Variants in SH3GL2 observed in about 807,000 individuals in gnomAD.
The protein encoded by SH3GL2 is SH3 domain containing GRB2 like 2, endophilin A1, also known as endophilin-A1.
Under a neutral mutation model 46.0 loss-of-function variants are expected in SH3GL2, and 24 were observed. That is an observed-to-expected ratio of 0.52 (90% CI 0.38 to 0.73). The LOEUF (loss-of-function observed/expected upper bound fraction) is 0.73. Among genes scored for constraint, SH3GL2 ranks in the 30% least tolerant of loss-of-function variants. The pLI, the probability that SH3GL2 is intolerant of heterozygous loss-of-function variation, is 0.00. For synonymous variants in SH3GL2, 196 were observed against 147.1 expected, an observed-to-expected ratio of 1.33 and a Z score of -2.40; for missense variants, 413 against 424.2, an observed-to-expected ratio of 0.97 and a Z score of 0.23.
intron 1 of SH3GL2, among the ~76,000 whole-genome samples, chr9:17,614,295 GAAAAAAAAAAAAAAA>G (rs3084628): frequency 4.3e-5 from 3 of 70,302 alleles, no homozygotes; most frequent in Non-Finnish European, 7.5e-5. Context: ...CATGGTTTCT[GAAAAAAAAAAAAAAA>G]AAAAAAAAAA....
At chr9:17,729,196 T>A (rs1822103952) in intron 1 of SH3GL2, among the ~76,000 whole-genome samples, 1 of 152,218 alleles carries the variant, frequency 6.6e-6, no homozygotes, top group Non-Finnish European at 1.5e-5. Context: ...GTGGTTTTGA[T>A]TTGCATTTCT....
chr9:17,743,761 T>G (rs1348484993), intron 1 of SH3GL2, among the ~76,000 whole-genome samples: 2 of 152,158 alleles, frequency 1.3e-5, no homozygotes, highest in Non-Finnish European at 2.9e-5. Flanking sequence ...AGAGGGGAAA[T>G]TAAAATCACT....
chr9:17,754,055 A>G (rs1822921686), intron 2 of SH3GL2, among the ~76,000 whole-genome samples: 1 of 152,152 alleles, frequency 6.6e-6, no homozygotes, highest in Non-Finnish European at 1.5e-5. Flanking sequence ...TTTTTGTACC[A>G]GTACCATGCT....
At chr9:17,582,891 C>T (rs374457067) in intron 1 of SH3GL2, among the ~76,000 whole-genome samples, 5 of 152,182 alleles carry the variant, frequency 3.3e-5, no homozygotes, top group African/African-American at 7.2e-5. Context: ...CCTTCATGCT[C>T]ACATGACATT....
At chr9:17,755,750 T>C (rs1459849878) in intron 2 of SH3GL2, 4 of 983,824 alleles carry the variant, frequency 4.1e-6, no homozygotes, top group African/African-American at 1.7e-5. Context: ...TCAGTCCTTT[T>C]GTTGCTCCAC....
intron 1 of SH3GL2, among the ~76,000 whole-genome samples, chr9:17,595,938 T>C (rs150796543): frequency 7.9e-5 from 12 of 152,308 alleles, no homozygotes; most frequent in East Asian, 7.7e-4. Context: ...TCAGTGGGTT[T>C]ATGGGTGAGT....
chr9:17,756,795 T>G (rs1049556913), intron 2 of SH3GL2, among the ~76,000 whole-genome samples: 1 of 152,098 alleles, frequency 6.6e-6, no homozygotes, highest in Non-Finnish European at 1.5e-5. Context: ...TACGTGTGCA[T>G]GTGTCTTTAT....
intron 2 of SH3GL2, among the ~76,000 whole-genome samples, chr9:17,749,916 C>T (rs998375924): frequency 1.3e-5 from 2 of 152,086 alleles, no homozygotes; most frequent in Non-Finnish European, 2.9e-5. Flanking sequence ...ATAGATACTC[C>T]TGCAGCAAAG....
Position 17,717,074 on chromosome 9 carries a change from C to T in SH3GL2, c.46-29992C>T, listed in dbSNP as rs118039681. On this transcript the variant is annotated intron_variant, in intron 1 of 8. Transcript: ENST00000380607. ...TGGTAGCTATCTATATCTTTAAAGGCGTTCATTATGGTCCAGTGGGAACAG... is the reference window on the plus strand; with the variant it reads ...TGGTAGCTATCTATATCTTTAAAGGTGTTCATTATGGTCCAGTGGGAACAG... Among the ~76,000 whole-genome samples, 265 of 152,132 alleles carry T rather than the reference C, an allele frequency of 1.7e-3. 1 individual carries two copies. Among genetic ancestry groups the T allele is most frequent in the Non-Finnish European group, 2.8e-3 (190 of 67,976 alleles).
chr9:17,687,514 A>G (rs73645135), intron 1 of SH3GL2, among the ~76,000 whole-genome samples: 9 of 130,524 alleles, frequency 6.9e-5, no homozygotes, highest in South Asian at 2.2e-4. Context: ...AAAAATTTCA[A>G]TTGTAAATAC....
intron 3 of SH3GL2, among the ~76,000 whole-genome samples, chr9:17,777,437 G>T (rs1299568112): frequency 1.3e-5 from 2 of 152,092 alleles, no homozygotes; most frequent in Non-Finnish European, 2.9e-5. Flanking sequence ...AAAGTATATG[G>T]GTTGAGTGAT....
intron 1 of SH3GL2, among the ~76,000 whole-genome samples, chr9:17,638,594 A>G (rs879437233): frequency 9.2e-5 from 14 of 152,246 alleles, no homozygotes; most frequent in Non-Finnish European, 2.1e-4. Flanking sequence ...TGAGGCTTAA[A>G]GAATGAGACA....
intron 1 of SH3GL2, among the ~76,000 whole-genome samples, chr9:17,711,592 C>T (rs1342780009): frequency 6.6e-6 from 1 of 151,734 alleles, no homozygotes; most frequent in East Asian, 1.9e-4. Flanking sequence ...TGTCTGACTT[C>T]TTTCAATCGG....
At chr9:17,741,041 G>A (rs981539113) in intron 1 of SH3GL2, among the ~76,000 whole-genome samples, 1 of 152,022 alleles carries the variant, frequency 6.6e-6, no homozygotes, top group Non-Finnish European at 1.5e-5. Flanking sequence ...ATTGTCAACG[G>A]TATTCTTTGT....
intron 1 of SH3GL2, among the ~76,000 whole-genome samples, chr9:17,668,318 C>G (rs1820393163): frequency 6.6e-6 from 1 of 152,158 alleles, no homozygotes; most frequent in African/African-American, 2.4e-5. Context: ...AGGTGTCCAG[C>G]TTCATTCTTT....
intron 1 of SH3GL2, among the ~76,000 whole-genome samples, chr9:17,722,670 C>G (rs905593551): frequency 6.6e-6 from 1 of 152,034 alleles, no homozygotes; most frequent in African/African-American, 2.4e-5. Context: ...AAGAATTCCT[C>G]TATTTACCAA....
At chr9:17,761,788 G>C (rs952305518) in intron 3 of SH3GL2, among the ~76,000 whole-genome samples, 1 of 152,188 alleles carries the variant, frequency 6.6e-6, no homozygotes, top group Non-Finnish European at 1.5e-5. Context: ...TAATATCAGA[G>C]TAGCTATAAA....
rs1824057216 is a variant in SH3GL2, at chr9:17,789,375, G to C, written c.466-17G>C. The C allele has an allele frequency of 6.2e-7, 1 of 1,611,364 alleles. No individual in the cohort carries two copies. Among genetic ancestry groups the C allele is most frequent in the Non-Finnish European group, 8.5e-7 (1 of 1,178,060 alleles). On this transcript the variant is annotated splice_polypyrimidine_tract_variant and intron_variant, in intron 5 of 8. Transcript: ENST00000380607. Reference sequence around the variant, plus strand: ...ATAAGCCCTTTCAAAGCCTATTCCTGCCCTTGACTTTTGCAGCATCATCTA... The same window carrying C: ...ATAAGCCCTTTCAAAGCCTATTCCTCCCCTTGACTTTTGCAGCATCATCTA...
chr9:17,795,927 C>A lies in SH3GL2; in HGVS notation c.*184C>A. On this transcript the variant is annotated 3_prime_UTR_variant, in exon 9 of 9. Coordinates refer to ENST00000380607, the MANE Select transcript of SH3GL2 (RefSeq NM_003026.5). The stretch of plus-strand genomic sequence containing the variant: ...GAGTCATGGTGATGGATGATATCCT[C>A]TTAGCCTGGTGGGCGTGGCATGTGC... The A allele has an allele frequency of 1.7e-6, 1 of 585,026 alleles. No individual in the cohort carries two copies. The highest frequency in any genetic ancestry group is 3.0e-6 in the Non-Finnish European group (1 of 328,586). The allele number at this position is 585,026 out of a possible 1,614,324, so 36.2% of individuals were successfully genotyped here. A position where few individuals can be genotyped will look rare whatever the true frequency, so the allele number is the denominator to read the frequency against.
Sources: gnomAD v4.1 joint callset for allele counts (sites outside exome capture counted in the v4.1 genomes callset) on GRCh38, gnomAD v4.1.1 for gene constraint, MANE v1.5 for transcripts, NCBI Gene and HGNC (gene_info 2026-07-23, HGNC 2026-07-21) for gene names.